Variants in OR7C1 observed in about 807,000 individuals in gnomAD.
OR7C1 encodes olfactory receptor 7C1.
For synonymous variants in OR7C1, 152 were observed against 160.7 expected (o/e 0.95, Z 0.41); for missense variants, 324 against 383.3 (o/e 0.85, Z 1.29).
chr19:14,818,057 A>ATTTATTTTAT (rs139064191), intron 1 of OR7C1, among the ~76,000 whole-genome samples: 1 of 138,580 alleles, frequency 7.2e-6, no homozygotes. Flanking sequence ...CATACATTTT[A>ATTTATTTTAT]TTTATTTTAT....
intron 1 of OR7C1, among the ~76,000 whole-genome samples, chr19:14,813,350 T>C (rs888833177): frequency 1.3e-5 from 2 of 151,928 alleles, no homozygotes; most frequent in Admixed American, 6.6e-5. Flanking sequence ...GTCAGGAGAT[T>C]GAGACCATCC....
intron 2 of OR7C1, among the ~76,000 whole-genome samples, chr19:14,806,544 CCACTGA>C (rs2044667270): frequency 6.6e-6 from 1 of 151,908 alleles, no homozygotes; most frequent in Non-Finnish European, 1.5e-5. Flanking sequence ...CTGCCAACTC[CCACTGA>C]CAGGCGTCAG....
At chr19:14,813,511 T>G (rs2044701281) in intron 1 of OR7C1, among the ~76,000 whole-genome samples, 1 of 151,874 alleles carries the variant, frequency 6.6e-6, no homozygotes. Context: ...GCCAAGATTG[T>G]GCCACTGCAC....
intron 1 of OR7C1, among the ~76,000 whole-genome samples, chr19:14,823,955 A>G (rs1316060284): frequency 6.7e-6 from 1 of 149,822 alleles, no homozygotes; most frequent in African/African-American, 2.5e-5. Context: ...CTGTAAATTC[A>G]TGGATTTATT....
Position 14,809,020 on chromosome 19 carries a change from T to A in OR7C1, c.-435+786A>T, listed in dbSNP as rs532269699. Among the ~76,000 whole-genome samples, 3 of 152,108 alleles carry A rather than the reference T, an allele frequency of 2.0e-5. No homozygotes were observed. In the South Asian group the frequency reaches 6.2e-4, roughly 31 times the overall value. On this transcript the variant is annotated intron_variant, in intron 2 of 4. Coordinates refer to ENST00000641666, the Ensembl canonical transcript of OR7C1. ...TTCTTTGTTTTGCATATTGAGTAGG[T>A]TTCTTGAAATTCTTTTGGAACATGT...
At chr19:14,833,297 G>A (rs1396531959) in intron 1 of OR7C1, among the ~76,000 whole-genome samples, 1 of 152,226 alleles carries the variant, frequency 6.6e-6, no homozygotes, top group African/African-American at 2.4e-5. Context: ...TGGGCAATAT[G>A]GCGAAACGCC....
intron 1 of OR7C1, among the ~76,000 whole-genome samples, chr19:14,815,169 A>G (rs1440139883): frequency 6.6e-6 from 1 of 152,188 alleles, no homozygotes; most frequent in Non-Finnish European, 1.5e-5. Flanking sequence ...ATTGGGCAAG[A>G]GACTGATTGG....
chr19:14,801,052 A>G (rs2044639493), intron 2 of OR7C1, among the ~76,000 whole-genome samples: 1 of 152,154 alleles, frequency 6.6e-6, no homozygotes, highest in Non-Finnish European at 1.5e-5. Flanking sequence ...TTCCTAGTGC[A>G]TGCCAATGAA....
At chr19:14,804,659 CGAGTCGCAG>C (rs1298033598) in intron 2 of OR7C1, among the ~76,000 whole-genome samples, 16 of 151,752 alleles carry the variant, frequency 1.1e-4, no homozygotes, top group African/African-American at 3.6e-4. Flanking sequence ...AATACATAAA[CGAGTCGCAG>C]GATAACGAGT....
Position 14,809,298 on chromosome 19 carries a change from C to T in OR7C1, c.-435+508G>A, listed in dbSNP as rs1170119355. On this transcript the variant is annotated intron_variant, in intron 2 of 4. Transcript: ENST00000641666. The stretch of plus-strand genomic sequence containing the variant: ...TCTCACTCACAATGCTTCATAAATA[C>T]GAGGAGATGGTAAAGTTGAAATAGA... Among the ~76,000 whole-genome samples the T allele has an allele frequency of 9.9e-5, 15 of 151,634 alleles. 1 individual carries two copies. The highest frequency in any genetic ancestry group is 2.7e-4 in the African/African-American group (11 of 40,982).
intron 1 of OR7C1, chr19:14,827,423 T>C: frequency 6.2e-7 from 1 of 1,614,178 alleles, no homozygotes; most frequent in South Asian, 1.1e-5. Flanking sequence ...TCACTGAGGC[T>C]GTTGCACTTG....
chr19:14,814,909 C>A (rs1020556387), intron 1 of OR7C1, among the ~76,000 whole-genome samples: 17 of 152,198 alleles, frequency 1.1e-4, no homozygotes, highest in African/African-American at 3.9e-4. Flanking sequence ...ATGAGACTGG[C>A]AGAACAGACT....
intron 1 of OR7C1, among the ~76,000 whole-genome samples, chr19:14,815,468 C>T (rs1274285050): frequency 6.6e-6 from 1 of 152,210 alleles, no homozygotes; most frequent in African/African-American, 2.4e-5. Context: ...AAGCTCTTAG[C>T]TCTTACCCCA....
At chr19:14,832,362 T>C (rs887995797) in intron 1 of OR7C1, among the ~76,000 whole-genome samples, 27 of 152,062 alleles carry the variant, frequency 1.8e-4, no homozygotes, top group African/African-American at 6.0e-4. Context: ...TGTTCACTTA[T>C]GTATTTTTTT....
At chr19:14,831,060 GTAT>G (rs2044827490) in intron 1 of OR7C1, among the ~76,000 whole-genome samples, 1 of 152,190 alleles carries the variant, frequency 6.6e-6, no homozygotes, top group Non-Finnish European at 1.5e-5. Context: ...CCCTTGCAAT[GTAT>G]TATTATCCTT....
chr19:14,811,621 C>T (rs2044691395), intron 1 of OR7C1, among the ~76,000 whole-genome samples: 1 of 151,538 alleles, frequency 6.6e-6, no homozygotes, highest in African/African-American at 2.4e-5. Context: ...TTACTGTGCT[C>T]AAATAAAGCC....
At chr19:14,833,145 A>G (rs1395892901) in intron 1 of OR7C1, among the ~76,000 whole-genome samples, 1 of 152,192 alleles carries the variant, frequency 6.6e-6, no homozygotes, top group Admixed American at 6.5e-5. Context: ...AAAATTGGTC[A>G]CCTACCTCAC....
chr19:14,813,514 C>G (rs1333665463), intron 1 of OR7C1, among the ~76,000 whole-genome samples: 1 of 152,060 alleles, frequency 6.6e-6, no homozygotes, highest in African/African-American at 2.4e-5. Flanking sequence ...AAGATTGTGC[C>G]ACTGCACTCC....
chr19:14,807,297 C>T (rs1315002467), intron 2 of OR7C1, among the ~76,000 whole-genome samples: 1 of 151,876 alleles, frequency 6.6e-6, no homozygotes, highest in Non-Finnish European at 1.5e-5. Flanking sequence ...AGATTGCCTA[C>T]CCAATATATC....
Sources: gnomAD v4.1 joint callset for allele counts (sites outside exome capture counted in the v4.1 genomes callset) on GRCh38, gnomAD v4.1.1 for gene constraint, MANE v1.5 for transcripts, NCBI Gene and HGNC (gene_info 2026-07-23, HGNC 2026-07-21) for gene names.